NBEAL1: variants seen among roughly 807,000 people sequenced by gnomAD.
The protein encoded by NBEAL1 is neurobeachin-like protein 1.
NBEAL1 carries 273 observed loss-of-function variants against 351.3 expected under a neutral mutation model. The ratio of observed to expected loss-of-function variants is 0.78; its 90% CI spans 0.70 to 0.86. NBEAL1 has a LOEUF of 0.86. Among genes scored for constraint, NBEAL1 ranks in the 40% least tolerant of loss-of-function variants. The probability of loss-of-function intolerance (pLI) is 0.00; values close to 1 mark genes in which losing one functional copy is unlikely to be tolerated. For synonymous variants in NBEAL1, 1,050 were observed against 1,086.4 expected, an observed-to-expected ratio of 0.97 and a Z score of 0.66; for missense variants, 2,961 against 3,201.3, an observed-to-expected ratio of 0.92 and a Z score of 1.81.
chr2:203,092,487 C>T (rs902512441), intron 10 of NBEAL1, among the ~76,000 whole-genome samples: 2 of 152,084 alleles, frequency 1.3e-5, no homozygotes, highest in African/African-American at 4.8e-5. Flanking sequence ...GTTGCTTGAA[C>T]CCAGGAGATG....
chr2:203,104,433 A>T (rs921657120), intron 12 of NBEAL1, among the ~76,000 whole-genome samples: 1 of 152,116 alleles, frequency 6.6e-6, no homozygotes, highest in African/African-American at 2.4e-5. Flanking sequence ...TATGGGTGTC[A>T]CTGCATGTGA....
At chr2:203,172,463 G>T (rs2064351571) in intron 40 of NBEAL1, among the ~76,000 whole-genome samples, 1 of 152,098 alleles carries the variant, frequency 6.6e-6, no homozygotes, top group South Asian at 2.1e-4. Flanking sequence ...AGAGGTTGCA[G>T]TGAGCCGAGA....
intron 2 of NBEAL1, among the ~76,000 whole-genome samples, chr2:203,018,498 A>G (rs1028947386): frequency 1.3e-5 from 2 of 152,060 alleles, no homozygotes; most frequent in Non-Finnish European, 2.9e-5. Flanking sequence ...GTGTGCATGT[A>G]TGTATATACA....
At chr2:203,179,603 C>G (rs1266483512) in intron 42 of NBEAL1, among the ~76,000 whole-genome samples, 4 of 152,148 alleles carry the variant, frequency 2.6e-5, no homozygotes, top group Non-Finnish European at 5.9e-5. Context: ...AACTCACTCT[C>G]TGGTTTTAAG....
At chr2:203,160,689 T>C (rs2063927945) in intron 36 of NBEAL1, among the ~76,000 whole-genome samples, 1 of 152,196 alleles carries the variant, frequency 6.6e-6, no homozygotes. Flanking sequence ...CTCCCTCTGT[T>C]ATGGTTGTTA....
chr2:203,141,324 C>T (rs2063361174), intron 31 of NBEAL1, among the ~76,000 whole-genome samples: 1 of 134,280 alleles, frequency 7.4e-6, no homozygotes, highest in East Asian at 2.2e-4. Flanking sequence ...ACAAGCACAG[C>T]ACCTACAGAT....
intron 14 of NBEAL1, among the ~76,000 whole-genome samples, chr2:203,109,899 A>C (rs1360107041): frequency 6.6e-6 from 1 of 152,162 alleles, no homozygotes; most frequent in African/African-American, 2.4e-5. Context: ...GAAAATTAGT[A>C]GTTTTACTTT....
At chr2:203,140,301 TAA>T (rs989955011) in intron 31 of NBEAL1, among the ~76,000 whole-genome samples, 17 of 119,612 alleles carry the variant, frequency 1.4e-4, no homozygotes, top group Admixed American at 8.5e-5. Flanking sequence ...AAAACTCTGT[TAA>T]AAAAAAAAAA....
rs147704539 is a variant in NBEAL1 at position 203,133,189 on chromosome 2, C to T, written c.3813+43C>T. On this transcript the variant is annotated intron_variant, in intron 27 of 55. Coordinates refer to ENST00000683969, the MANE Select transcript of NBEAL1 (RefSeq NM_001378026.1). Reference sequence around the variant, plus strand: ...ATATATTTTAATGATAGCAGCATCACCATCATGCTATAAATAACTTTGCAT... The same window carrying T: ...ATATATTTTAATGATAGCAGCATCATCATCATGCTATAAATAACTTTGCAT... The T allele has an allele frequency of 6.1e-4, 500 of 820,290 alleles. 3 individuals carry two copies. Among genetic ancestry groups the T allele is most frequent in the Admixed American group, 4.6e-3 (155 of 33,714 alleles). The allele number at this position is 820,290 out of a possible 1,614,324, so 50.8% of individuals were successfully genotyped here. A position where few individuals can be genotyped will look rare whatever the true frequency, so the allele number is the denominator to read the frequency against.
At chr2:203,171,903 T>C (rs2064331965) in intron 39 of NBEAL1, 25 bp from the exon 40 acceptor site, 1 of 1,392,130 alleles carries the variant, frequency 7.2e-7, no homozygotes, top group East Asian at 2.4e-5. Context: ...TAAATTTTGA[T>C]ATTGCTCTTT....
At position 203,126,046 on chromosome 2, in the gene NBEAL1, C is replaced by A; in HGVS notation, c.2938C>A (p.Leu980Ile). 1.9e-6 allele frequency: 3 copies of A among 1,544,496 alleles called. No individual in the cohort carries two copies. The highest frequency in any genetic ancestry group is 1.7e-6 in the Non-Finnish European group (2 of 1,144,074). Residue 980 changes from leucine (L) to isoleucine (I), a missense_variant, in exon 21 of 56, where the codon CTT becomes ATT. Physicochemically the swap from Leu to Ile is conservative, Grantham distance 5 (BLOSUM62 2). Transcript: ENST00000683969. Reference sequence around the variant, plus strand: ...GAGACATCCTATCAACCAGGGCAATCTTATTCACTCCCATGGAGTTGCAAC... The same window carrying A: ...GAGACATCCTATCAACCAGGGCAATATTATTCACTCCCATGGAGTTGCAAC... Reference protein sequence around the residue: ...IQRHPINQGNLIHSHGVATLG... With the variant: ...IQRHPINQGNIIHSHGVATLG...
chr2:203,034,340 G>T (rs1006348773), intron 2 of NBEAL1, among the ~76,000 whole-genome samples: 1 of 150,598 alleles, frequency 6.6e-6, no homozygotes, highest in African/African-American at 2.4e-5. Flanking sequence ...TGTATTTTTA[G>T]TAGAGACAGG....
intron 47 of NBEAL1, among the ~76,000 whole-genome samples, chr2:203,196,098 A>G (rs2065234283): frequency 6.6e-6 from 1 of 152,216 alleles, no homozygotes; most frequent in Non-Finnish European, 1.5e-5. Flanking sequence ...AAACAACACA[A>G]GACCCTATTT....
chr2:203,028,377 G>A (rs1421548729), intron 2 of NBEAL1, among the ~76,000 whole-genome samples: 3 of 151,758 alleles, frequency 2.0e-5, no homozygotes, highest in South Asian at 2.1e-4. Flanking sequence ...TTTATGCTGA[G>A]CTTTAATTTT....
intron 51 of NBEAL1, among the ~76,000 whole-genome samples, chr2:203,204,444 T>A (rs2065496959): frequency 6.6e-6 from 1 of 150,970 alleles, no homozygotes; most frequent in Non-Finnish European, 1.5e-5. Context: ...AATCCTTGCT[T>A]CTCAACCTCC....
At chr2:203,182,216 C>T (rs772247973) in intron 43 of NBEAL1, 39 of 152,180 alleles carry the variant, frequency 2.6e-4, no homozygotes, top group Non-Finnish European at 2.5e-4. Context: ...AGTTTAGCAT[C>T]ATCAGCGCCA....
At position 203,018,858 on chromosome 2, in the gene NBEAL1, T is replaced by TAA. The variant is rs562201117; in HGVS notation, c.51+2427_51+2428dup. Among the ~76,000 whole-genome samples the TAA allele has an allele frequency of 2.3e-3, 353 of 152,274 alleles. 3 individuals carry two copies. The highest frequency in any genetic ancestry group is 8.3e-3 in the African/African-American group (343 of 41,568). ...TTTAAATATGTGTAATAACTCCTCT[T>TAA]AAAAACAATCATGACACAATTTTTA... On this transcript the variant is annotated intron_variant, in intron 2 of 55. Coordinates refer to ENST00000683969, the MANE Select transcript of NBEAL1 (RefSeq NM_001378026.1).
At chr2:203,149,487 T>G (rs1015626258) in intron 34 of NBEAL1, among the ~76,000 whole-genome samples, 2 of 152,144 alleles carry the variant, frequency 1.3e-5, no homozygotes, top group Non-Finnish European at 1.5e-5. Flanking sequence ...TATTTTACAA[T>G]TCACTTAACT....
At chr2:203,179,689 A>G (rs2064640642) in intron 42 of NBEAL1, among the ~76,000 whole-genome samples, 1 of 152,154 alleles carries the variant, frequency 6.6e-6, no homozygotes, top group African/African-American at 2.4e-5. Context: ...AACCAAGTAT[A>G]TTGATACTAT....
Sources: allele counts gnomAD v4.1 joint callset (sites outside exome capture counted in the v4.1 genomes callset), GRCh38; gene constraint gnomAD v4.1.1; transcripts MANE v1.5; gene names NCBI Gene and HGNC (gene_info 2026-07-23, HGNC 2026-07-21).